Variants in SPTBN2 observed in about 807,000 individuals in gnomAD.
SPTBN2 encodes the protein spectrin beta, non-erythrocytic 2, also known as spectrin beta chain, non-erythrocytic 2.
A neutral mutation model predicts 284.2 loss-of-function variants in SPTBN2; 107 were observed. The observed-to-expected ratio is 0.38, with a 90% CI of 0.32 to 0.44. The LOEUF is 0.44. Ranked by LOEUF, SPTBN2 falls within the 20% of genes least tolerant of loss-of-function variation. SPTBN2 has a pLI of 1.00. For missense variants in SPTBN2, 2,569 were observed against 3,287.1 expected (o/e 0.78, Z 5.34); for synonymous variants, 1,289 against 1,354.8 (o/e 0.95, Z 1.07).
At position 66,687,548 on chromosome 11, in the gene SPTBN2, CGGT is replaced by C. The variant is rs1940205785; in HGVS notation, c.6598_6600del (p.Thr2200del). On this transcript the variant is annotated inframe_deletion, in exon 35 of 38. Transcript: ENST00000533211. This position sits in a 1 kb window ranked among gnomAD's most constrained non-coding sequence, Gnocchi z 5.2. ...GGCAGGGTGGCAGCATGGGCTGACT[CGGT>C]AGACCTGCTCTGGGGCATTGCAGAT... 1.2e-6 allele frequency: 2 copies of C among 1,612,252 alleles called. No individual in the cohort carries two copies. The highest frequency in any genetic ancestry group is 3.3e-5 in the Admixed American group (2 of 60,016).
chr11:66,687,349 T>TA lies in SPTBN2; in HGVS notation c.6722+77dup. ...TACCCTTTGCCCAGAAGATGTACTC[T>TA]AAAGGGCATCCCTCCCTCTATCTGG... is the stretch of plus-strand genomic sequence containing the variant. On this transcript the variant is annotated intron_variant, in intron 35 of 37. Coordinates refer to ENST00000533211, the MANE Select transcript of SPTBN2 (RefSeq NM_006946.4). This position sits in a 1 kb window ranked among gnomAD's most constrained non-coding sequence, Gnocchi z 5.2. 1 of 1,576,068 alleles carries TA rather than the reference T, an allele frequency of 6.3e-7. No homozygotes were observed. The highest frequency in any genetic ancestry group is 2.2e-5 in the East Asian group (1 of 44,730).
chr11:66,716,056 T>C (rs1590971094), intron 3 of SPTBN2, 75 bp from the exon 4 acceptor site: 1 of 1,602,318 alleles, frequency 6.2e-7, no homozygotes, highest in Admixed American at 1.7e-5. Flanking sequence ...TTGGCAGGGG[T>C]GGGGGATGGA....
intron 21 of SPTBN2, among the ~76,000 whole-genome samples, chr11:66,695,358 C>T (rs577238598): frequency 1.3e-5 from 2 of 152,344 alleles, no homozygotes; most frequent in East Asian, 3.9e-4. Flanking sequence ...CAGGCTCAAA[C>T]AATCTTCTCA....
At position 66,684,258 on chromosome 11, in the gene SPTBN2, A is replaced by G. The variant is rs1939967165; in HGVS notation, c.*1613T>C. Among the ~76,000 whole-genome samples the G allele has an allele frequency of 1.3e-5, 2 of 152,184 alleles. No homozygotes were observed. Among genetic ancestry groups the G allele is most frequent in the Non-Finnish European group, 2.9e-5 (2 of 68,030 alleles). On this transcript the variant is annotated 3_prime_UTR_variant, in exon 38 of 38. Coordinates refer to ENST00000533211, the MANE Select transcript of SPTBN2 (RefSeq NM_006946.4). ...CCACTTCCATCAACATCTGGAGACAAACACTGTGCCCTGAAAGCTCCGATT... is the reference window on the plus strand; with the variant it reads ...CCACTTCCATCAACATCTGGAGACAGACACTGTGCCCTGAAAGCTCCGATT...
At chr11:66,692,501 G>A (rs544988585) in intron 26 of SPTBN2, 35 bp downstream of exon 26, 31 of 1,598,168 alleles carry the variant, frequency 1.9e-5, no homozygotes, top group East Asian at 2.2e-5. Context: ...CTCTTCCCAC[G>A]GTTGATCTGA....
At position 66,685,909 on chromosome 11, in the gene SPTBN2, G is replaced by A; in HGVS notation, c.7135C>T (p.Arg2379Ter). ...TTAAAGAAGCTGAAGCGTTTTTCTC[G>A]CTCTCGTTCTCTGCCGTCTTTGCTG... ...LRSKDGRERE[R>*]EKRFSFFKKN... is the part of the protein sequence containing the mutation. The change falls in exon 38 of 38, where the codon CGA becomes TGA. Residue 2379 changes from arginine (R) to a stop codon, truncating the protein, a stop_gained. Transcript: ENST00000533211. LOFTEE classifies it high-confidence loss of function. This position sits in a 1 kb window ranked among gnomAD's most constrained non-coding sequence, Gnocchi z 4.4. 4.3e-6 allele frequency: 7 copies of A among 1,613,874 alleles called. No homozygotes were observed. Among genetic ancestry groups the A allele is most frequent in the Non-Finnish European group, 5.1e-6 (6 of 1,180,012 alleles).
rs1346198672 is a variant in SPTBN2 at position 66,688,672 on chromosome 11, G to A, written c.6212C>T (p.Ala2071Val). 2.5e-6 allele frequency: 4 copies of A among 1,613,934 alleles called. No individual in the cohort carries two copies. Among genetic ancestry groups the A allele is most frequent in the Middle Eastern group, 1.6e-4 (1 of 6,062 alleles). Residue 2071 changes from alanine (A) to valine (V), a missense_variant, in exon 31 of 38, where the codon GCG becomes GTG. By Grantham distance (64) the Ala-to-Val change is moderately conservative. Coordinates refer to ENST00000533211, the MANE Select transcript of SPTBN2 (RefSeq NM_006946.4). ...CCTCACCGCAGTAAGCTTCTCCAGC[G>A]CACAGAATCGCTCCTCCCAGGCCAC... ...SAVAWEERFC[A>V]LEKLTALEER... is the part of the protein sequence containing the mutation.
chr11:66,688,142 C>G (rs1263546550), intron 32 of SPTBN2, 27 bp downstream of exon 32: 9 of 1,613,464 alleles, frequency 5.6e-6, no homozygotes, highest in Non-Finnish European at 7.6e-6. Flanking sequence ...CAGCCGCCTC[C>G]TCCTACCCAG....
At chr11:66,729,477 T>C (rs1942760704), upstream of SPTBN2, among the ~76,000 whole-genome samples, 1 of 152,160 alleles carries the variant, frequency 6.6e-6, no homozygotes, top group Non-Finnish European at 1.5e-5. Flanking sequence ...AAGAATGGGC[T>C]TTGAGTGAAT....
rs931576074 is a variant in SPTBN2, at chr11:66,702,806, C to T, written c.2679-1085G>A. Among the ~76,000 whole-genome samples, 36 of 151,360 alleles carry T rather than the reference C, an allele frequency of 2.4e-4. No homozygotes were observed. The East Asian group carries it at 4.9e-3, about 21-fold the overall frequency. On this transcript the variant is annotated intron_variant, in intron 15 of 37. Transcript: ENST00000533211. ...ACAAAAAATTAGCCAGGTGTGGTGG[C>T]GGGTGCCTGTAGTCCCAGCTACTTG...
At chr11:66,703,799 A>T (rs955835467) in intron 15 of SPTBN2, among the ~76,000 whole-genome samples, 6 of 152,108 alleles carry the variant, frequency 3.9e-5, no homozygotes, top group Non-Finnish European at 8.8e-5. Context: ...CTATAAAAAA[A>T]TTTTTAAGAT....
chr11:66,683,412 G>A lies in SPTBN2; in HGVS notation c.*2459C>T, dbSNP rs1369304621. On this transcript the variant is annotated 3_prime_UTR_variant, in exon 38 of 38. Coordinates refer to ENST00000533211, the MANE Select transcript of SPTBN2 (RefSeq NM_006946.4). The stretch of plus-strand genomic sequence containing the variant: ...CCATCTCTCTCCATTGATTTGTGCT[G>A]CCTGCATTTATTGTATTTTTGTGTC... 6.6e-6 allele frequency among the ~76,000 whole-genome samples: 1 copy of A among 152,146 alleles called. No homozygotes were observed. Among genetic ancestry groups the A allele is most frequent in the Non-Finnish European group, 1.5e-5 (1 of 68,030 alleles).
At position 66,700,343 on chromosome 11, in the gene SPTBN2, G is replaced by A. The variant is rs1941169316; in HGVS notation, c.3573+183C>T. On this transcript the variant is annotated intron_variant, in intron 17 of 37. Coordinates refer to ENST00000533211, the MANE Select transcript of SPTBN2 (RefSeq NM_006946.4). The surrounding 1 kb of genome is among the most constrained non-coding windows in gnomAD (Gnocchi z 6.6). ...CTTGCCATGTTGCCCAGGTTGGTCT[G>A]GATATTCTCAGCCTCAAGTGATCCT... Among the ~76,000 whole-genome samples, 1 of 152,082 alleles carries A rather than the reference G, an allele frequency of 6.6e-6. No homozygotes were observed. The highest frequency in any genetic ancestry group is 2.1e-4 in the South Asian group (1 of 4,822).
chr11:66,728,031 C>A, intron 1 of SPTBN2: 1 of 149,698 alleles, frequency 6.7e-6, no homozygotes, highest in South Asian at 1.8e-4. Flanking sequence ...CCCGCCTGCT[C>A]CCGCCCCGGC....
In SPTBN2 at chr11:66,693,310, A is replaced by G; in HGVS notation, c.4730T>C (p.Leu1577Pro). The G allele has an allele frequency of 6.2e-7, 1 of 1,612,878 alleles. No individual in the cohort carries two copies. Among genetic ancestry groups the G allele is most frequent in the Non-Finnish European group, 8.5e-7 (1 of 1,180,030 alleles). Residue 1577 changes from leucine to proline, a missense_variant, in exon 24 of 38, where the codon CTG becomes CCG. Physicochemically the swap from Leu to Pro is moderately conservative, Grantham distance 98. Around this residue, in one of 6 missense-constraint regions of SPTBN2, gnomAD observed 1,130 missense variants for 1,317.3 expected, o/e 0.86. Coordinates refer to ENST00000533211, the MANE Select transcript of SPTBN2 (RefSeq NM_006946.4). This position sits in a 1 kb window ranked among gnomAD's most constrained non-coding sequence, Gnocchi z 5.7. ...QEMWKRLGHE[L>P]ELRGKRLEDA... The stretch of plus-strand genomic sequence containing the variant: ...CTCCAGTCGCTTCCCTCGAAGTTCC[A>G]GCTCGTGGCCCAGGCGTTTCCACAT...
chr11:66,689,752 C>G (rs1940405271), intron 29 of SPTBN2, 53 bp downstream of exon 29: 5 of 1,608,474 alleles, frequency 3.1e-6, no homozygotes, highest in East Asian at 2.2e-5. Context: ...ACCAAGAAGT[C>G]AGCGTTCAGC....
At position 66,686,915 on chromosome 11, in the gene SPTBN2, C is replaced by G. The variant is rs571613950; in HGVS notation, c.6896+79G>C. 11 of 1,593,746 alleles carry G rather than the reference C, an allele frequency of 6.9e-6. No individual in the cohort carries two copies. In the Admixed American group the frequency reaches 1.7e-4, roughly 24 times the overall value. On this transcript the variant is annotated intron_variant, in intron 36 of 37. Coordinates refer to ENST00000533211, the MANE Select transcript of SPTBN2 (RefSeq NM_006946.4). Reference sequence around the variant, plus strand: ...CAGGCTCCTTACAGGAACTCCCCTCCCTCTGGACCTGACTCATGGCTCACC... The same window carrying G: ...CAGGCTCCTTACAGGAACTCCCCTCGCTCTGGACCTGACTCATGGCTCACC...
At chr11:66,735,130 G>C (rs1942843224) in intron 1 of SPTBN2, among the ~76,000 whole-genome samples, 2 of 151,896 alleles carry the variant, frequency 1.3e-5, no homozygotes, top group Non-Finnish European at 2.9e-5. Context: ...GTCAGGAGTG[G>C]GAGACCAGCC....
rs75553893 is a variant in SPTBN2, at chr11:66,738,381, T to C, written c.-475+6161A>G. 2.0e-5 allele frequency among the ~76,000 whole-genome samples: 3 copies of C among 152,224 alleles called. No individual in the cohort carries two copies. The South Asian group carries it at 6.2e-4, about 31-fold the overall frequency. On this transcript the variant is annotated intron_variant, in intron 1 of 37. Coordinates refer to the SPTBN2 transcript ENST00000611817. Reference sequence around the variant, plus strand: ...AGAAAGAGGTAAAATGGGAAAAGAATAGAGACATCCTGACCCTTTCAGACC... The same window carrying C: ...AGAAAGAGGTAAAATGGGAAAAGAACAGAGACATCCTGACCCTTTCAGACC...
Sources: allele counts gnomAD v4.1 joint callset (sites outside exome capture counted in the v4.1 genomes callset), GRCh38; gene constraint gnomAD v4.1.1; regional missense constraint gnomAD v4.1.1; non-coding constraint Gnocchi (gnomAD v3.1); transcripts MANE v1.5; gene names NCBI Gene and HGNC (gene_info 2026-07-23, HGNC 2026-07-21).